Variants in CAMK2G observed in about 807,000 individuals in gnomAD.
The protein encoded by CAMK2G is calcium/calmodulin-dependent protein kinase type II subunit gamma.
Under a neutral mutation model 88.7 loss-of-function variants are expected in CAMK2G, and 23 were observed. The observed-to-expected ratio is 0.26, with a 90% confidence interval of 0.19 to 0.37. The LOEUF is 0.37. Among genes scored for constraint, CAMK2G ranks in the 10% least tolerant of loss-of-function variants. The pLI is 1.00. For missense variants in CAMK2G, 476 were observed against 780.8 expected, an observed-to-expected ratio of 0.61 and a Z score of 4.65; for synonymous variants, 263 against 294.8, an observed-to-expected ratio of 0.89 and a Z score of 1.11.
chr10:73,860,023 G>C (rs1319499869), intron 3 of CAMK2G, among the ~76,000 whole-genome samples: 1 of 152,232 alleles, frequency 6.6e-6, no homozygotes, highest in African/African-American at 2.4e-5. Context: ...AGGGCTTTCA[G>C]GGAAAACCTA....
intron 14 of CAMK2G, among the ~76,000 whole-genome samples, chr10:73,829,700 G>GGTGTGTGTGTGTGT (rs60725888): frequency 5.8e-4 from 80 of 138,438 alleles, no homozygotes; most frequent in African/African-American, 1.9e-3. Context: ...TAAGTAGTGG[G>GGTGTGTGTGTGTGT]GTGTGTGTGT....
rs779728632 is a variant in CAMK2G, at chr10:73,847,368, G to A, written c.697-21C>T. The A allele has an allele frequency of 3.7e-6, 6 of 1,613,648 alleles. No individual in the cohort carries two copies. In the Admixed American group the frequency reaches 1.0e-4, roughly 27 times the overall value. On this transcript the variant is annotated intron_variant, in intron 9 of 22. Coordinates refer to ENST00000423381, the MANE Select transcript of CAMK2G (RefSeq NM_001367534.1). ...GGGAACTAAGGAGCAGGAATAGGGA[G>A]AAGAATGTGGTATTGGTGAGCTTCA...
chr10:73,870,307 G>A (rs1381562659), intron 2 of CAMK2G, among the ~76,000 whole-genome samples: 1 of 152,188 alleles, frequency 6.6e-6, no homozygotes, highest in African/African-American at 2.4e-5. Flanking sequence ...CGGTTCTGAA[G>A]CAAACGGAGT....
intron 3 of CAMK2G, among the ~76,000 whole-genome samples, chr10:73,857,766 G>A (rs572722603): frequency 1.2e-4 from 19 of 152,224 alleles, no homozygotes; most frequent in Non-Finnish European, 2.4e-4. Flanking sequence ...TCACACCAGC[G>A]TCTCCTCCTC....
chr10:73,827,577 C>T (rs190876856), intron 15 of CAMK2G, among the ~76,000 whole-genome samples: 1 of 152,222 alleles, frequency 6.6e-6, no homozygotes, highest in African/African-American at 2.4e-5. Flanking sequence ...AGCTGTCCCC[C>T]GAGGGCTGGG....
At chr10:73,869,275 C>T (rs1296597077) in intron 2 of CAMK2G, among the ~76,000 whole-genome samples, 3 of 152,324 alleles carry the variant, frequency 2.0e-5, no homozygotes, top group South Asian at 2.1e-4. Flanking sequence ...GTGATCCTTA[C>T]GCACACTAAA....
intron 19 of CAMK2G, chr10:73,818,686 A>C (rs2086633250): frequency 2.2e-6 from 1 of 454,742 alleles, no homozygotes; most frequent in Non-Finnish European, 4.4e-6. Flanking sequence ...AGCAAGCAGC[A>C]GGTTAAGGGA....
intron 15 of CAMK2G, among the ~76,000 whole-genome samples, chr10:73,826,014 G>A (rs749454352): frequency 1.3e-5 from 2 of 152,172 alleles, no homozygotes; most frequent in African/African-American, 2.4e-5. Context: ...GGGAGGGGCA[G>A]GTGAAACCCA....
intron 2 of CAMK2G, among the ~76,000 whole-genome samples, chr10:73,863,162 AC>A (rs2095452662): frequency 6.6e-6 from 1 of 152,236 alleles, no homozygotes; most frequent in Non-Finnish European, 1.5e-5. Flanking sequence ...GTGGGGACAG[AC>A]AGAGATTAGT....
intron 2 of CAMK2G, 130 bp downstream of exon 2, chr10:73,872,859 C>T (rs1274976197): frequency 2.7e-6 from 2 of 739,820 alleles, no homozygotes; most frequent in Non-Finnish European, 4.9e-6. Flanking sequence ...ACACAAAGTC[C>T]AACCAGTCTG....
chr10:73,856,271 C>A (rs192286639), intron 3 of CAMK2G, among the ~76,000 whole-genome samples: 3 of 152,188 alleles, frequency 2.0e-5, no homozygotes, highest in Non-Finnish European at 4.4e-5. Context: ...CCCAAAATCA[C>A]ACTAAGTGGC....
Position 73,817,019 on chromosome 10 carries a change from T to A in CAMK2G, c.1534+4A>T. On this transcript the variant is annotated splice_donor_region_variant and intron_variant, in intron 21 of 22. Coordinates refer to ENST00000423381, the MANE Select transcript of CAMK2G (RefSeq NM_001367534.1). ...GAGTATATCAGCAGCACGAACCCAC[T>A]CACGATTCTCAAAGTAAAACTTATG... The A allele has an allele frequency of 6.2e-7, 1 of 1,614,018 alleles. No individual in the cohort carries two copies. Among genetic ancestry groups the A allele is most frequent in the Non-Finnish European group, 8.5e-7 (1 of 1,179,988 alleles).
chr10:73,815,522 C>T (rs992399288), intron 21 of CAMK2G, among the ~76,000 whole-genome samples: 5 of 151,952 alleles, frequency 3.3e-5, no homozygotes, highest in Non-Finnish European at 7.4e-5. Flanking sequence ...TTTACATGCC[C>T]GAGCTGTATT....
intron 2 of CAMK2G, among the ~76,000 whole-genome samples, chr10:73,865,387 A>T (rs1362659436): frequency 6.6e-6 from 1 of 152,168 alleles, no homozygotes. Flanking sequence ...GCACCCTGCC[A>T]TCCACAAGCT....
rs537346002 is a variant in CAMK2G at position 73,824,689 on chromosome 10, AC to A, written c.1155+589del. On this transcript the variant is annotated intron_variant, in intron 16 of 22. Transcript: ENST00000423381. ...CATCACCTCTCCCTCTTTCCCAGTC[AC>A]CCCCCTGCTGACTCTCTAGTTAGCC... Among the ~76,000 whole-genome samples, 59 of 151,342 alleles carry A rather than the reference AC, an allele frequency of 3.9e-4. 2 individuals carry two copies. In the South Asian group the frequency reaches 0.011, roughly 27 times the overall value.
chr10:73,816,549 C>A (rs2085569556), intron 21 of CAMK2G: 2 of 699,618 alleles, frequency 2.9e-6, no homozygotes, highest in Non-Finnish European at 4.0e-6. Flanking sequence ...CAAGCTCTGC[C>A]TCCCAGGTTC....
At chr10:73,827,195 T>G (rs533187249) in intron 15 of CAMK2G, among the ~76,000 whole-genome samples, 2 of 152,088 alleles carry the variant, frequency 1.3e-5, no homozygotes, top group South Asian at 4.1e-4. Flanking sequence ...CTCTGGTTTA[T>G]TTATTTTTTG....
chr10:73,833,600 C>CTTTT (rs60516273), intron 14 of CAMK2G, among the ~76,000 whole-genome samples: 1 of 143,864 alleles, frequency 7.0e-6, no homozygotes, highest in Non-Finnish European at 1.5e-5. Flanking sequence ...ATCTATCTTC[C>CTTTT]TTTTTTTTTT....
chr10:73,841,592 T>C (rs1488655041), intron 12 of CAMK2G, among the ~76,000 whole-genome samples: 1 of 152,192 alleles, frequency 6.6e-6, no homozygotes, highest in African/African-American at 2.4e-5. Flanking sequence ...TTTATGCAAA[T>C]TTAAGCAAGT....
Sources: gnomAD v4.1 joint callset for allele counts (sites outside exome capture counted in the v4.1 genomes callset) on GRCh38, gnomAD v4.1.1 for gene constraint, MANE v1.5 for transcripts, NCBI Gene and HGNC (gene_info 2026-07-23, HGNC 2026-07-21) for gene names.